The following AGBL4 variants were observed in gnomAD, a reference collection of about 807,000 sequenced individuals.
AGBL4 encodes the protein cytosolic carboxypeptidase 6.
In AGBL4, 58 loss-of-function variants were observed where a neutral mutation model predicts 66.4. The observed-to-expected ratio is 0.87, with a 90% confidence interval of 0.71 to 1.09. AGBL4 has a LOEUF of 1.09. Ranked by LOEUF, AGBL4 falls within the 50% of genes least tolerant of loss-of-function variation. AGBL4 has a pLI of 0.00. For missense variants in AGBL4, 579 were observed against 631.0 expected, an observed-to-expected ratio of 0.92 and a Z score of 0.88; for synonymous variants, 234 against 222.9, an observed-to-expected ratio of 1.05 and a Z score of -0.44.
intron 5 of AGBL4, among the ~76,000 whole-genome samples, chr1:48,979,328 G>A (rs1431788452): frequency 3.3e-5 from 5 of 151,916 alleles, no homozygotes; most frequent in Admixed American, 1.3e-4. Flanking sequence ...TATGTATCAC[G>A]TGCCTGCTAT....
intron 6 of AGBL4, among the ~76,000 whole-genome samples, chr1:48,665,793 CT>C (rs1430778514): frequency 1.3e-5 from 2 of 151,946 alleles, no homozygotes; most frequent in South Asian, 2.1e-4. Flanking sequence ...TCACCAAGCC[CT>C]TTTAAAAGAC....
intron 6 of AGBL4, chr1:48,742,659 C>CGCA (rs1650093440): frequency 1.9e-6 from 3 of 1,607,536 alleles, no homozygotes; most frequent in Non-Finnish European, 2.5e-6. Flanking sequence ...CCATGACAGG[C>CGCA]GCAGGAGCGG....
rs538938082 is a variant in AGBL4, at chr1:49,419,660, T to C, written c.283-173796A>G. On this transcript the variant is annotated intron_variant, in intron 3 of 13. Coordinates refer to ENST00000371839, the MANE Select transcript of AGBL4 (RefSeq NM_032785.4). The stretch of plus-strand genomic sequence containing the variant: ...CAGCGTAGTATGTATTCTATCCCAA[T>C]GGACAAAATAAACAGATTAAATCCT... Among the ~76,000 whole-genome samples the C allele has an allele frequency of 3.9e-4, 59 of 152,324 alleles. 1 individual carries two copies. Among genetic ancestry groups the C allele is most frequent in the African/African-American group, 1.3e-3 (56 of 41,570 alleles).
chr1:49,253,748 A>G (rs1652255574), intron 3 of AGBL4, among the ~76,000 whole-genome samples: 1 of 152,002 alleles, frequency 6.6e-6, no homozygotes, highest in Admixed American at 6.6e-5. Flanking sequence ...CTTGATGAAC[A>G]CTGACGCAAA....
intron 3 of AGBL4, among the ~76,000 whole-genome samples, chr1:49,575,998 A>G (rs956120613): frequency 3.3e-5 from 5 of 152,344 alleles, no homozygotes; most frequent in Non-Finnish European, 7.3e-5. Context: ...TTGGTGAGAC[A>G]TTTGCATACC....
intron 6 of AGBL4, among the ~76,000 whole-genome samples, chr1:48,767,968 A>G (rs922917834): frequency 2.0e-5 from 3 of 152,196 alleles, no homozygotes; most frequent in African/African-American, 7.2e-5. Flanking sequence ...CAAACTCACT[A>G]TATTTAATCC....
chr1:49,645,837 T>A (rs1314167433), intron 3 of AGBL4, among the ~76,000 whole-genome samples: 1 of 150,308 alleles, frequency 6.7e-6, no homozygotes, highest in Non-Finnish European at 1.5e-5. Flanking sequence ...AAATAATGGC[T>A]AAGTATGGAA....
At chr1:48,968,905 T>A (rs1413478101) in intron 5 of AGBL4, among the ~76,000 whole-genome samples, 1 of 152,122 alleles carries the variant, frequency 6.6e-6, no homozygotes, top group Non-Finnish European at 1.5e-5. Flanking sequence ...GCACAGAATA[T>A]ATGTAGAAAA....
intron 6 of AGBL4, among the ~76,000 whole-genome samples, chr1:48,822,831 T>C (rs1232734656): frequency 6.6e-6 from 1 of 152,224 alleles, no homozygotes; most frequent in Non-Finnish European, 1.5e-5. Context: ...TCTGGAGAAC[T>C]CTGACTAATA....
chr1:48,817,239 T>C (rs1646201409), intron 6 of AGBL4, among the ~76,000 whole-genome samples: 1 of 152,160 alleles, frequency 6.6e-6, no homozygotes, highest in African/African-American at 2.4e-5. Flanking sequence ...GGAATAGTGG[T>C]ATTCTGTTAA....
At position 49,335,776 on chromosome 1, in the gene AGBL4, A is replaced by G. The variant is rs142822516; in HGVS notation, c.283-89912T>C. Among the ~76,000 whole-genome samples the G allele has an allele frequency of 8.7e-3, 1,329 of 152,250 alleles. 17 individuals carry two copies. The highest frequency in any genetic ancestry group is 0.031 in the African/African-American group (1,278 of 41,538). ...GTGATCCGCCCACCTTGGCCCCCCA[A>G]AATGCTGGGATTATAGGCGTGAGCC... On this transcript the variant is annotated intron_variant, in intron 3 of 13. Coordinates refer to ENST00000371839, the MANE Select transcript of AGBL4 (RefSeq NM_032785.4).
chr1:48,601,386 A>G (rs903327261), intron 9 of AGBL4, among the ~76,000 whole-genome samples: 1 of 152,224 alleles, frequency 6.6e-6, no homozygotes, highest in Non-Finnish European at 1.5e-5. Context: ...GAATCACACA[A>G]TGACACTATG....
intron 1 of AGBL4, among the ~76,000 whole-genome samples, chr1:49,921,020 C>T (rs1443073104): frequency 6.6e-6 from 1 of 152,162 alleles, no homozygotes; most frequent in Non-Finnish European, 1.5e-5. Context: ...CGTTCTCACT[C>T]ATAGTCGGGA....
chr1:48,584,527 C>A (rs1372452390), intron 11 of AGBL4: 2 of 152,232 alleles, frequency 1.3e-5, no homozygotes, highest in African/African-American at 4.8e-5. Context: ...ACCAGCCTGA[C>A]CAACATGGTA....
intron 2 of AGBL4, among the ~76,000 whole-genome samples, chr1:49,777,583 C>A (rs1451686306): frequency 6.6e-6 from 1 of 152,122 alleles, no homozygotes; most frequent in Non-Finnish European, 1.5e-5. Flanking sequence ...AAAAGCCCAG[C>A]CTAGCACTCC....
intron 5 of AGBL4, among the ~76,000 whole-genome samples, chr1:48,929,152 C>A (rs1654828027): frequency 6.6e-6 from 1 of 152,178 alleles, no homozygotes; most frequent in African/African-American, 2.4e-5. Flanking sequence ...TCCATTCTTG[C>A]CACAACAGAG....
chr1:49,660,612 A>G (rs1646249662), intron 3 of AGBL4, among the ~76,000 whole-genome samples: 1 of 152,162 alleles, frequency 6.6e-6, no homozygotes, highest in South Asian at 2.1e-4. Context: ...TATATACCCA[A>G]AGGAATATAA....
At chr1:49,546,346 T>C (rs1310936400) in intron 3 of AGBL4, among the ~76,000 whole-genome samples, 3 of 150,872 alleles carry the variant, frequency 2.0e-5, no homozygotes, top group Non-Finnish European at 4.4e-5. Flanking sequence ...CATATGTATA[T>C]ATGTATATAT....
intron 1 of AGBL4, among the ~76,000 whole-genome samples, chr1:49,958,586 T>C (rs1476266031): frequency 6.7e-6 from 1 of 150,356 alleles, no homozygotes; most frequent in Non-Finnish European, 1.5e-5. Context: ...CAGCAAACTA[T>C]CACAAGGAGA....
Sources: allele counts gnomAD v4.1 joint callset (sites outside exome capture counted in the v4.1 genomes callset), GRCh38; gene constraint gnomAD v4.1.1; transcripts MANE v1.5; gene names NCBI Gene and HGNC (gene_info 2026-07-23, HGNC 2026-07-21).